The following NOD1 variants were observed in gnomAD, a reference collection of about 807,000 sequenced individuals.
The protein encoded by NOD1 is nucleotide binding oligomerization domain containing 1.
A neutral mutation model predicts 81.2 loss-of-function variants in NOD1; 70 were observed. That is an observed-to-expected ratio of 0.86 (90% CI 0.71 to 1.05). The LOEUF (loss-of-function observed/expected upper bound fraction) is 1.05. NOD1 is among the 50% of genes least tolerant of loss of function. The pLI is 0.00. For synonymous variants in NOD1, 508 were observed against 526.9 expected (o/e 0.96, Z 0.49); for missense variants, 1,233 against 1,228.0 (o/e 1.00, Z -0.06).
In NOD1 at chr7:30,456,742, G is replaced by A; in HGVS notation, c.180C>T (p.Ala60=). The change falls in exon 4 of 14, where the codon GCC becomes GCT. Residue 60 remains alanine, a synonymous_variant. Coordinates refer to ENST00000222823, the MANE Select transcript of NOD1 (RefSeq NM_006092.4). ...GCACCTTGTCAGGCTGGGTGGGGCA[G>A]GCACACACAATCTCCGCATCTTCGG... The part of the protein sequence containing the change: ...FSAEDAEIVC[A]CPTQPDKVRK... The A allele has an allele frequency of 6.2e-7, 1 of 1,614,016 alleles. No individual in the cohort carries two copies. The highest frequency in any genetic ancestry group is 8.5e-7 in the Non-Finnish European group (1 of 1,180,028).
At chr7:30,446,660 C>T (rs1477662812) in intron 8 of NOD1, 3 of 408,966 alleles carry the variant, frequency 7.3e-6, no homozygotes, top group Non-Finnish European at 1.3e-5. Flanking sequence ...CCAAGCTCTT[C>T]CTTGCAACCC....
chr7:30,461,319 A>G (rs1787047309), intron 1 of NOD1, among the ~76,000 whole-genome samples: 1 of 152,092 alleles, frequency 6.6e-6, no homozygotes, highest in Non-Finnish European at 1.5e-5. Flanking sequence ...CTGGGATTAC[A>G]GGTGCACACC....
In NOD1 at chr7:30,452,506, G is replaced by A. The variant is rs1471811236; in HGVS notation, c.911C>T (p.Pro304Leu). 1.9e-6 allele frequency: 3 copies of A among 1,613,230 alleles called. No homozygotes were observed. Among genetic ancestry groups the A allele is most frequent in the Non-Finnish European group, 2.5e-6 (3 of 1,179,956 alleles). ...GACCAGGGGGTGGGCAGGCTCCCAG[G>A]GGCAGGAGCTGTCAGGCACGCGGCT... ...DLSRVPDSSC[P>L]WEPAHPLVLL... is the part of the protein sequence containing the mutation. Residue 304 changes from proline (P) to leucine (L), a missense_variant, in exon 6 of 14, where the codon CCC (proline) becomes CTC (leucine). Physicochemically the swap from Pro to Leu is moderately conservative, Grantham distance 98. Transcript: ENST00000222823.
At chr7:30,425,756 G>T (rs372809270) in intron 13 of NOD1, 46 bp from the exon 14 acceptor site, 1 of 1,333,420 alleles carries the variant, frequency 7.5e-7, no homozygotes. Flanking sequence ...AAATGTTAAG[G>T]ATCCTCGCAC....
intron 6 of NOD1, among the ~76,000 whole-genome samples, chr7:30,450,860 T>A (rs1027810104): frequency 1.3e-5 from 2 of 152,234 alleles, no homozygotes; most frequent in Non-Finnish European, 2.9e-5. Flanking sequence ...GTTACAGGGT[T>A]GTAAAGAGCA....
chr7:30,438,842 AAGAG>A (rs1221886019), intron 9 of NOD1, among the ~76,000 whole-genome samples: 4 of 152,176 alleles, frequency 2.6e-5, no homozygotes, highest in Non-Finnish European at 4.4e-5. Flanking sequence ...AAGTTGTACA[AAGAG>A]AGAGAAGGGA....
At chr7:30,464,749 C>T (rs1028463110) in intron 1 of NOD1, among the ~76,000 whole-genome samples, 4 of 152,224 alleles carry the variant, frequency 2.6e-5, no homozygotes, top group Non-Finnish European at 1.5e-5. Flanking sequence ...TAAGGACCAT[C>T]ACTTGTTAGC....
chr7:30,449,939 C>A (rs1198173481), intron 6 of NOD1, among the ~76,000 whole-genome samples: 1 of 152,172 alleles, frequency 6.6e-6, no homozygotes, highest in African/African-American at 2.4e-5. Context: ...ATGCCTGTAA[C>A]CCCAACATTT....
Position 30,466,381 on chromosome 7 carries a change from T to C in NOD1, c.-351-6340A>G, listed in dbSNP as rs189157338. On this transcript the variant is annotated intron_variant, in intron 1 of 13. Transcript: ENST00000222823. ...AATGTGCAATTTTTTTTTTTTTGCT[T>C]CTGGCACTATGATTAGCACAAGATG... Among the ~76,000 whole-genome samples, 88 of 152,290 alleles carry C rather than the reference T, an allele frequency of 5.8e-4. No individual in the cohort carries two copies. The East Asian group carries it at 0.017, about 29-fold the overall frequency.
intron 9 of NOD1, among the ~76,000 whole-genome samples, chr7:30,438,847 A>G (rs186334163): frequency 3.3e-5 from 5 of 152,312 alleles, no homozygotes; most frequent in Non-Finnish European, 5.9e-5. Flanking sequence ...GTACAAAGAG[A>G]GAGAAGGGAG....
chr7:30,448,578 A>T (rs1471379128), intron 6 of NOD1, among the ~76,000 whole-genome samples, 197 bp from the exon 7 acceptor site: 1 of 152,194 alleles, frequency 6.6e-6, no homozygotes, highest in African/African-American at 2.4e-5. Context: ...CCCATCCTGC[A>T]CCAGCCCATG....
At chr7:30,475,452 G>A (rs528363887) in intron 1 of NOD1, among the ~76,000 whole-genome samples, 12 of 152,212 alleles carry the variant, frequency 7.9e-5, no homozygotes, top group Non-Finnish European at 1.3e-4. Context: ...GGAAAAGGAC[G>A]CTTCAGTAAA....
At chr7:30,458,613 C>T (rs991302049) in intron 3 of NOD1, among the ~76,000 whole-genome samples, 1 of 151,844 alleles carries the variant, frequency 6.6e-6, no homozygotes, top group Non-Finnish European at 1.5e-5. Context: ...AATGATAGAG[C>T]AGGAAAGAGT....
At chr7:30,455,518 C>G (rs1458846876) in intron 4 of NOD1, among the ~76,000 whole-genome samples, 1 of 151,782 alleles carries the variant, frequency 6.6e-6, no homozygotes, top group Admixed American at 6.6e-5. Flanking sequence ...CCACTCAGCT[C>G]TAAGAAACCA....
At chr7:30,445,948 G>T (rs1212124190) in intron 9 of NOD1, among the ~76,000 whole-genome samples, 193 bp downstream of exon 9, 2 of 151,942 alleles carry the variant, frequency 1.3e-5, no homozygotes, top group African/African-American at 2.4e-5. Flanking sequence ...AGGCAGGGGG[G>T]AGGGGGACCG....
intron 10 of NOD1, among the ~76,000 whole-genome samples, chr7:30,437,181 A>G (rs1024809913): frequency 3.9e-5 from 6 of 152,140 alleles, no homozygotes; most frequent in Admixed American, 3.9e-4. Flanking sequence ...CAATGAGAAC[A>G]CATGGACACA....
chr7:30,471,974 G>A (rs562000789), intron 1 of NOD1, among the ~76,000 whole-genome samples: 2 of 152,192 alleles, frequency 1.3e-5, no homozygotes, highest in Non-Finnish European at 2.9e-5. Context: ...ACTTTGTTTT[G>A]AGCCTCAGTT....
At chr7:30,446,909 C>A in intron 8 of NOD1, 58 bp downstream of exon 8, 1 of 1,342,032 alleles carries the variant, frequency 7.5e-7, no homozygotes, top group Non-Finnish European at 1.0e-6. Flanking sequence ...AATCTTTGAA[C>A]AACAGAAGGG....
intron 10 of NOD1, among the ~76,000 whole-genome samples, chr7:30,436,290 C>T (rs572150211): frequency 4.6e-5 from 7 of 152,302 alleles, no homozygotes; most frequent in South Asian, 4.1e-4. Context: ...GCAGGCTGGA[C>T]GGGAAATGGG....
Sources: gnomAD v4.1 joint callset for allele counts (sites outside exome capture counted in the v4.1 genomes callset) on GRCh38, gnomAD v4.1.1 for gene constraint, MANE v1.5 for transcripts, NCBI Gene and HGNC (gene_info 2026-07-23, HGNC 2026-07-21) for gene names.